PRKG1: variants seen among roughly 807,000 people sequenced by gnomAD.
PRKG1 encodes the protein cGMP-dependent protein kinase 1.
In PRKG1, 35 loss-of-function variants were observed where a neutral mutation model predicts 88.1. That is an observed-to-expected ratio of 0.40 (90% confidence interval 0.30 to 0.53). The LOEUF (loss-of-function observed/expected upper bound fraction) is 0.53. Ranked by LOEUF, PRKG1 falls within the 20% of genes least tolerant of loss-of-function variation. The pLI is 0.59. For synonymous variants in PRKG1, 303 were observed against 292.5 expected (o/e 1.04, Z -0.37); for missense variants, 540 against 839.8 (o/e 0.64, Z 4.41).
At chr10:51,486,220 C>T (rs551301379) in intron 3 of PRKG1, among the ~76,000 whole-genome samples, 1 of 151,966 alleles carries the variant, frequency 6.6e-6, no homozygotes, top group Non-Finnish European at 1.5e-5. Flanking sequence ...AACTTATGTC[C>T]CCTTTCACTG....
At chr10:52,011,657 C>A (rs1844882457) in intron 5 of PRKG1, among the ~76,000 whole-genome samples, 1 of 152,180 alleles carries the variant, frequency 6.6e-6, no homozygotes, top group Non-Finnish European at 1.5e-5. Context: ...CCCAATCTTA[C>A]TTCTTCCCAT....
rs4935324 is a variant in PRKG1, at chr10:52,291,254, A to T, written c.1962+964A>T. 1.3e-4 allele frequency among the ~76,000 whole-genome samples: 20 copies of T among 150,590 alleles called. No individual in the cohort carries two copies. The East Asian group carries it at 2.9e-3, about 22-fold the overall frequency. ...CACTCTTTTATTTTTTTATTTTTTT[A>T]TTTTTTTATTATTATTATACTTTAA... On this transcript the variant is annotated intron_variant, in intron 17 of 17. Transcript: ENST00000373980.
At chr10:52,200,331 T>C (rs1839632183) in intron 9 of PRKG1, among the ~76,000 whole-genome samples, 1 of 152,166 alleles carries the variant, frequency 6.6e-6, no homozygotes. Context: ...TGTTCCTGCC[T>C]TAGTTCGCTT....
At chr10:51,376,689 T>C (rs1479403989) in intron 2 of PRKG1, among the ~76,000 whole-genome samples, 1 of 152,196 alleles carries the variant, frequency 6.6e-6, no homozygotes, top group Non-Finnish European at 1.5e-5. Context: ...TGTTTGTTTG[T>C]TTTTGAGAGA....
At chr10:51,173,411 A>AGTGTGT (rs3998227) in intron 2 of PRKG1, among the ~76,000 whole-genome samples, 10 of 149,874 alleles carry the variant, frequency 6.7e-5, no homozygotes, top group South Asian at 2.1e-4. Flanking sequence ...AGAGTTGGGC[A>AGTGTGT]GTGTGTGTGT....
chr10:52,065,624 T>A (rs1846338460), intron 7 of PRKG1, among the ~76,000 whole-genome samples: 1 of 152,226 alleles, frequency 6.6e-6, no homozygotes, highest in African/African-American at 2.4e-5. Context: ...ACTTTCCTTT[T>A]TTCTCCTACT....
rs553967465 is a variant in PRKG1 at position 51,292,806 on chromosome 10, A to G, written c.478+139476A>G. ...TATAAACATACACGTTTTAGCACCTATACTATTCTATATTTTTAAATTTTG... is the reference window on the plus strand; with the variant it reads ...TATAAACATACACGTTTTAGCACCTGTACTATTCTATATTTTTAAATTTTG... On this transcript the variant is annotated intron_variant, in intron 2 of 17. Transcript: ENST00000373980. Among the ~76,000 whole-genome samples, 41 of 152,230 alleles carry G rather than the reference A, an allele frequency of 2.7e-4. No homozygotes were observed. In the South Asian group the frequency reaches 8.1e-3, roughly 30 times the overall value.
chr10:51,305,332 A>C (rs1841008861), intron 2 of PRKG1, among the ~76,000 whole-genome samples: 1 of 152,080 alleles, frequency 6.6e-6, no homozygotes, highest in African/African-American at 2.4e-5. Flanking sequence ...CATTTTCAGA[A>C]ATGCCCTTGA....
intron 1 of PRKG1, among the ~76,000 whole-genome samples, chr10:51,061,332 G>T (rs1259335495): frequency 2.0e-5 from 3 of 152,016 alleles, no homozygotes; most frequent in Non-Finnish European, 2.9e-5. Context: ...AATAGCACGG[G>T]AAAAACCTAC....
chr10:51,184,318 T>C (rs1378319648), intron 2 of PRKG1, among the ~76,000 whole-genome samples: 1 of 152,246 alleles, frequency 6.6e-6, no homozygotes, highest in African/African-American at 2.4e-5. Flanking sequence ...TCATGGAGAA[T>C]GCTACATATT....
At chr10:51,000,449 T>G (rs1345350256) in intron 1 of PRKG1, among the ~76,000 whole-genome samples, 3 of 152,212 alleles carry the variant, frequency 2.0e-5, no homozygotes, top group Admixed American at 2.0e-4. Flanking sequence ...TGAGCTATGG[T>G]TCTGAAAATC....
intron 3 of PRKG1, among the ~76,000 whole-genome samples, chr10:51,598,279 A>G (rs1838507779): frequency 6.6e-6 from 1 of 151,806 alleles, no homozygotes; most frequent in Non-Finnish European, 1.5e-5. Flanking sequence ...CCAAGCCTTT[A>G]TTTTTTTCCT....
chr10:52,182,999 G>A (rs192829241), intron 9 of PRKG1, among the ~76,000 whole-genome samples: 14 of 152,202 alleles, frequency 9.2e-5, no homozygotes, highest in Admixed American at 1.3e-4. Context: ...TGATGAGAGA[G>A]GGATAAAGAG....
At chr10:51,378,496 T>C (rs1279141310) in intron 2 of PRKG1, among the ~76,000 whole-genome samples, 1 of 152,218 alleles carries the variant, frequency 6.6e-6, no homozygotes, top group African/African-American at 2.4e-5. Context: ...AGCTTCCCAC[T>C]GAGCTCTGCA....
intron 3 of PRKG1, among the ~76,000 whole-genome samples, chr10:51,482,161 C>G (rs900982148): frequency 1.3e-5 from 2 of 152,114 alleles, no homozygotes; most frequent in Non-Finnish European, 2.9e-5. Flanking sequence ...AACTACTCAC[C>G]TCCACAGACT....
At chr10:52,145,921 A>C (rs1837716032) in intron 8 of PRKG1, among the ~76,000 whole-genome samples, 1 of 152,126 alleles carries the variant, frequency 6.6e-6, no homozygotes, top group South Asian at 2.1e-4. Flanking sequence ...TTTAGAATTT[A>C]CTTCTTTGCA....
chr10:51,484,460 A>G (rs987886372), intron 3 of PRKG1, among the ~76,000 whole-genome samples: 7 of 152,194 alleles, frequency 4.6e-5, no homozygotes, highest in African/African-American at 1.4e-4. Context: ...TATTTTTGGT[A>G]CAGAAGGGAT....
intron 2 of PRKG1, among the ~76,000 whole-genome samples, chr10:51,162,028 A>G (rs1466812856): frequency 6.6e-6 from 1 of 152,228 alleles, no homozygotes; most frequent in Non-Finnish European, 1.5e-5. Context: ...TAAAAAACAC[A>G]TAGATATATT....
intron 8 of PRKG1, among the ~76,000 whole-genome samples, chr10:52,137,257 A>G (rs1305830114): frequency 6.6e-6 from 1 of 152,120 alleles, no homozygotes; most frequent in Non-Finnish European, 1.5e-5. Flanking sequence ...AAGATGATAA[A>G]CAGATACATG....
Sources: allele counts gnomAD v4.1 joint callset (sites outside exome capture counted in the v4.1 genomes callset), GRCh38; gene constraint gnomAD v4.1.1; transcripts MANE v1.5; gene names NCBI Gene and HGNC (gene_info 2026-07-23, HGNC 2026-07-21).